Variants in CNTN5 observed in about 807,000 individuals in gnomAD.
CNTN5 encodes contactin 5, also known as contactin-5.
Under a neutral mutation model 129.1 loss-of-function variants are expected in CNTN5, and 77 were observed. The ratio of observed to expected loss-of-function variants is 0.60; its 90% CI spans 0.50 to 0.72. The LOEUF is 0.72. Among genes scored for constraint, CNTN5 ranks in the 30% least tolerant of loss-of-function variants. The pLI is 0.00. For missense variants in CNTN5, 1,478 were observed against 1,328.8 expected (o/e 1.11, Z -1.75); for synonymous variants, 509 against 465.6 (o/e 1.09, Z -1.20).
intron 17 of CNTN5, among the ~76,000 whole-genome samples, chr11:100,258,762 A>G (rs572186169): frequency 6.6e-6 from 1 of 152,340 alleles, no homozygotes; most frequent in African/African-American, 2.4e-5. Flanking sequence ...TGTTGTCACC[A>G]CCAGGCCTGC....
intron 6 of CNTN5, among the ~76,000 whole-genome samples, chr11:99,915,313 T>A (rs146014752): frequency 3.5e-4 from 54 of 152,236 alleles, no homozygotes; most frequent in African/African-American, 1.3e-3. Flanking sequence ...CATCATTCCC[T>A]TTTGGACCAT....
At chr11:99,512,072 T>C (rs1317633471) in intron 2 of CNTN5, among the ~76,000 whole-genome samples, 1 of 152,128 alleles carries the variant, frequency 6.6e-6, no homozygotes, top group Non-Finnish European at 1.5e-5. Context: ...AAGTCTACAG[T>C]AGTGTACAGT....
At chr11:99,032,254 T>A (rs1041912138) in intron 1 of CNTN5, among the ~76,000 whole-genome samples, 11 of 152,086 alleles carry the variant, frequency 7.2e-5, no homozygotes, top group Non-Finnish European at 1.0e-4. Context: ...TATAGCAGCA[T>A]GATTTATAGT....
intron 2 of CNTN5, among the ~76,000 whole-genome samples, chr11:99,413,890 C>T (rs983898605): frequency 1.3e-5 from 2 of 152,116 alleles, no homozygotes; most frequent in African/African-American, 4.8e-5. Flanking sequence ...TGCTTTCTGT[C>T]TAGAATAAAT....
In CNTN5 at chr11:99,558,780, G is replaced by A. The variant is rs1468291686; in HGVS notation, c.55+2511G>A. On this transcript the variant is annotated intron_variant, in intron 3 of 24. Transcript: ENST00000524871. ...ATGAGTGGCATTTCAAATGTTATAG[G>A]CAAAGCAGAAAGAAAAGTTGAAAAC... 2.0e-5 allele frequency among the ~76,000 whole-genome samples: 3 copies of A among 151,968 alleles called. No homozygotes were observed. The East Asian group carries it at 5.8e-4, about 29-fold the overall frequency.
chr11:99,705,316 A>G (rs1057262053), intron 3 of CNTN5, among the ~76,000 whole-genome samples: 1 of 151,308 alleles, frequency 6.6e-6, no homozygotes, highest in Non-Finnish European at 1.5e-5. Context: ...CTCTAAGAAG[A>G]GTTACTGAAA....
In CNTN5 at chr11:99,430,273, T is replaced by C. The variant is rs182634016; in HGVS notation, c.-71+104789T>C. Among the ~76,000 whole-genome samples the C allele has an allele frequency of 2.1e-4, 32 of 152,076 alleles. 2 individuals are homozygous for C. In the East Asian group the frequency reaches 6.2e-3, roughly 29 times the overall value. ...ACAGAGAAATTAAGCACGTGTTTTC[T>C]TTTTTGTTTAAAAAAACGAAAGGTT... On this transcript the variant is annotated intron_variant, in intron 2 of 24. Coordinates refer to ENST00000524871, the MANE Select transcript of CNTN5 (RefSeq NM_014361.4).
intron 6 of CNTN5, among the ~76,000 whole-genome samples, chr11:99,909,817 G>C (rs552825111): frequency 1.3e-5 from 2 of 152,034 alleles, no homozygotes; most frequent in East Asian, 1.9e-4. Context: ...GTTGTGGGGT[G>C]GGGGGAGAGG....
chr11:99,882,761 T>G (rs1291402707), intron 6 of CNTN5, among the ~76,000 whole-genome samples: 1 of 152,208 alleles, frequency 6.6e-6, no homozygotes, highest in Non-Finnish European at 1.5e-5. Context: ...TCAATTATTA[T>G]TCGCTATAGT....
Position 100,138,813 on chromosome 11 carries a change from G to A in CNTN5, c.1581-52313G>A, listed in dbSNP as rs185804523. The stretch of plus-strand genomic sequence containing the variant: ...GAAGAATGAACTGAAGGAGCATAAT[G>A]GCAGAAGCAGAAGGACAGGTTAGAA... On this transcript the variant is annotated intron_variant, in intron 13 of 24. Transcript: ENST00000524871. Among the ~76,000 whole-genome samples the A allele has an allele frequency of 4.9e-4, 74 of 152,244 alleles. No individual in the cohort carries two copies. The East Asian group carries it at 0.014, about 28-fold the overall frequency.
chr11:99,295,704 G>A (rs955370980), intron 1 of CNTN5, among the ~76,000 whole-genome samples: 2 of 150,946 alleles, frequency 1.3e-5, no homozygotes, highest in Non-Finnish European at 3.0e-5. Context: ...GTGAAACCCC[G>A]TCTCTACTAA....
intron 3 of CNTN5, among the ~76,000 whole-genome samples, chr11:99,718,197 T>G (rs1308480851): frequency 6.6e-6 from 1 of 152,174 alleles, no homozygotes; most frequent in Non-Finnish European, 1.5e-5. Context: ...CTAAGCCTTT[T>G]GCATTGCCTT....
intron 3 of CNTN5, among the ~76,000 whole-genome samples, chr11:99,710,958 T>G (rs1954961059): frequency 6.6e-6 from 1 of 151,970 alleles, no homozygotes; most frequent in African/African-American, 2.4e-5. Context: ...AATTTGATTT[T>G]CAAATATGCA....
intron 1 of CNTN5, among the ~76,000 whole-genome samples, chr11:99,165,532 G>A (rs1860827856): frequency 6.6e-6 from 1 of 152,094 alleles, no homozygotes; most frequent in South Asian, 2.1e-4. Flanking sequence ...ATTTTTAAAT[G>A]AACATTTATT....
intron 1 of CNTN5, among the ~76,000 whole-genome samples, chr11:99,234,572 G>A (rs965928096): frequency 6.6e-6 from 1 of 151,782 alleles, no homozygotes; most frequent in African/African-American, 2.4e-5. Context: ...TGTTTTGTGA[G>A]TATATCTCCT....
Position 99,178,122 on chromosome 11 carries a change from C to T in CNTN5, c.-209-147224C>T, listed in dbSNP as rs569205033. Among the ~76,000 whole-genome samples, 6 of 151,968 alleles carry T rather than the reference C, an allele frequency of 3.9e-5. No homozygotes were observed. The East Asian group carries it at 1.2e-3, about 30-fold the overall frequency. Reference sequence around the variant, plus strand: ...AGTAAAAAGACAGAAACAAGACCTACAACTAAGAAATGGTATAGACTCAAC... The same window carrying T: ...AGTAAAAAGACAGAAACAAGACCTATAACTAAGAAATGGTATAGACTCAAC... On this transcript the variant is annotated intron_variant, in intron 1 of 24. Coordinates refer to ENST00000524871, the MANE Select transcript of CNTN5 (RefSeq NM_014361.4).
intron 3 of CNTN5, among the ~76,000 whole-genome samples, chr11:99,768,170 A>G (rs1944820430): frequency 6.6e-6 from 1 of 152,104 alleles, no homozygotes; most frequent in African/African-American, 2.4e-5. Flanking sequence ...TAGATTCACC[A>G]GTTATTAAAA....
chr11:99,598,148 G>A (rs1011611136), intron 3 of CNTN5, among the ~76,000 whole-genome samples: 1 of 152,098 alleles, frequency 6.6e-6, no homozygotes, highest in African/African-American at 2.4e-5. Flanking sequence ...GGGGAGGTAT[G>A]TCAAGAATAA....
At chr11:100,051,322 T>G (rs1452719124) in intron 9 of CNTN5, among the ~76,000 whole-genome samples, 1 of 152,010 alleles carries the variant, frequency 6.6e-6, no homozygotes, top group Admixed American at 6.6e-5. Flanking sequence ...AAAATTAAAT[T>G]ATGTATCAAT....
Sources: allele counts gnomAD v4.1 joint callset (sites outside exome capture counted in the v4.1 genomes callset), GRCh38; gene constraint gnomAD v4.1.1; transcripts MANE v1.5; gene names NCBI Gene and HGNC (gene_info 2026-07-23, HGNC 2026-07-21).